Variants in UBE2O observed in about 807,000 individuals in gnomAD.
UBE2O encodes (E3-independent) E2 ubiquitin-conjugating enzyme.
UBE2O carries 15 observed loss-of-function variants against 125.8 expected under a neutral mutation model. That is an observed-to-expected ratio of 0.12 (90% confidence interval 0.08 to 0.18). The LOEUF is 0.18. UBE2O is among the 10% of genes least tolerant of loss of function. UBE2O has a pLI of 1.00. For missense variants in UBE2O, 1,280 were observed against 1,723.6 expected (o/e 0.74, Z 4.56); for synonymous variants, 708 against 703.2 (o/e 1.01, Z -0.11).
chr17:76,449,543 C>T (rs1229106955), intron 1 of UBE2O, among the ~76,000 whole-genome samples: 1 of 152,096 alleles, frequency 6.6e-6, no homozygotes, highest in African/African-American at 2.4e-5. Flanking sequence ...CCACTGCACT[C>T]CAGCCTGGGT....
intron 1 of UBE2O, among the ~76,000 whole-genome samples, chr17:76,416,086 T>C (rs1042852268): frequency 1.3e-5 from 2 of 151,802 alleles, no homozygotes; most frequent in Non-Finnish European, 2.9e-5. Flanking sequence ...TATACATATG[T>C]ACATACATGT....
At chr17:76,397,613 C>T (rs991356444) in intron 13 of UBE2O, among the ~76,000 whole-genome samples, 186 bp downstream of exon 13, 5 of 152,162 alleles carry the variant, frequency 3.3e-5, no homozygotes, top group African/African-American at 1.2e-4. Context: ...CTGGGAGAAG[C>T]GAGGCTGGTG....
chr17:76,414,388 T>C (rs2072564446), intron 1 of UBE2O, among the ~76,000 whole-genome samples: 1 of 152,194 alleles, frequency 6.6e-6, no homozygotes, highest in South Asian at 2.1e-4. Flanking sequence ...GGAGGTAAGA[T>C]GAAATTACAC....
chr17:76,397,892 C>T lies in UBE2O; in HGVS notation c.2026-4G>A. 6.2e-7 allele frequency: 1 copy of T among 1,613,968 alleles called. No homozygotes were observed. Among genetic ancestry groups the T allele is most frequent in the Non-Finnish European group, 8.5e-7 (1 of 1,180,008 alleles). ...GGGCCACCTGGCCCACCGATGGCTGCTGGGCAAAGGGGACAAAGTCAGGGG... is the reference window on the plus strand; with the variant it reads ...GGGCCACCTGGCCCACCGATGGCTGTTGGGCAAAGGGGACAAAGTCAGGGG... On this transcript the variant is annotated splice_region_variant and splice_polypyrimidine_tract_variant and intron_variant, in intron 12 of 17. Coordinates refer to ENST00000319380, the MANE Select transcript of UBE2O (RefSeq NM_022066.4).
chr17:76,442,963 G>C (rs112661427), intron 1 of UBE2O, among the ~76,000 whole-genome samples: 5 of 152,186 alleles, frequency 3.3e-5, no homozygotes, highest in African/African-American at 1.2e-4. Flanking sequence ...TGACAAGTTA[G>C]AATGAGGGCC....
intron 1 of UBE2O, among the ~76,000 whole-genome samples, chr17:76,414,436 C>T (rs1385048742): frequency 6.6e-6 from 1 of 152,224 alleles, no homozygotes; most frequent in African/African-American, 2.4e-5. Flanking sequence ...GAGCACTAAG[C>T]TGGGTGGGGA....
At position 76,413,600 on chromosome 17, in the gene UBE2O, T is replaced by G. The variant is rs118176284; in HGVS notation, c.418-8028A>C. Among the ~76,000 whole-genome samples the G allele has an allele frequency of 1.5e-3, 224 of 152,272 alleles. 3 individuals are homozygous for G. The East Asian group carries it at 0.04, about 27-fold the overall frequency. ...CCGGGTCATGATATAAAATGTGTAT[T>G]TTACCGTGAGTGACTGCTGAGAAGC... On this transcript the variant is annotated intron_variant, in intron 1 of 17. Transcript: ENST00000319380.
At chr17:76,428,254 C>T (rs1379822205) in intron 1 of UBE2O, among the ~76,000 whole-genome samples, 1 of 152,202 alleles carries the variant, frequency 6.6e-6, no homozygotes, top group African/African-American at 2.4e-5. Context: ...TCTGGAATCA[C>T]ACAATGTGCC....
chr17:76,437,779 G>A (rs1008875527), intron 1 of UBE2O, among the ~76,000 whole-genome samples: 1 of 152,120 alleles, frequency 6.6e-6, no homozygotes, highest in African/African-American at 2.4e-5. Flanking sequence ...GTGAACATTA[G>A]GGAAAACTGG....
Position 76,396,854 on chromosome 17 carries a change from G to C in UBE2O, c.2116-33C>G. On this transcript the variant is annotated intron_variant, in intron 13 of 17. Coordinates refer to ENST00000319380, the MANE Select transcript of UBE2O (RefSeq NM_022066.4). This position sits in a 1 kb window ranked among gnomAD's most constrained non-coding sequence, Gnocchi z 6.7. ...CAGAAGGGAAGTGCCAGGGTAAGCA[G>C]ACAGGAAGTCACCTCCCCACCACTA... The C allele has an allele frequency of 6.5e-7, 1 of 1,538,842 alleles. No homozygotes were observed. The highest frequency in any genetic ancestry group is 8.8e-7 in the Non-Finnish European group (1 of 1,139,198).
chr17:76,416,186 A>G (rs1567843463), intron 1 of UBE2O, among the ~76,000 whole-genome samples: 2 of 151,732 alleles, frequency 1.3e-5, no homozygotes, highest in African/African-American at 2.4e-5. Context: ...GTGTGTGTAT[A>G]TGTATATGTG....
intron 1 of UBE2O, among the ~76,000 whole-genome samples, chr17:76,439,278 G>A (rs569849005): frequency 3.3e-5 from 5 of 152,144 alleles, no homozygotes; most frequent in African/African-American, 7.2e-5. Flanking sequence ...TGTTGTTATC[G>A]TTATTTACAG....
intron 1 of UBE2O, among the ~76,000 whole-genome samples, chr17:76,424,172 T>G (rs542179740): frequency 4.0e-5 from 6 of 150,682 alleles, no homozygotes; most frequent in African/African-American, 1.2e-4. Flanking sequence ...CCTCCCAAAG[T>G]GCTGGGATTA....
chr17:76,449,194 T>G (rs1234732947), intron 1 of UBE2O, among the ~76,000 whole-genome samples: 3 of 152,246 alleles, frequency 2.0e-5, no homozygotes, highest in African/African-American at 7.2e-5. Flanking sequence ...GATTAAGCCT[T>G]TACTCATTGC....
At chr17:76,451,779 GGT>G (rs71280850) in intron 1 of UBE2O, among the ~76,000 whole-genome samples, 2 of 137,346 alleles carry the variant, frequency 1.5e-5, no homozygotes, top group African/African-American at 5.9e-5. Context: ...GATACAGGGG[GGT>G]GTGTGTGTGT....
At chr17:76,444,433 A>G (rs2073123628) in intron 1 of UBE2O, among the ~76,000 whole-genome samples, 1 of 152,160 alleles carries the variant, frequency 6.6e-6, no homozygotes, top group Admixed American at 6.5e-5. Flanking sequence ...GCTGCACAGG[A>G]GGCTGAGGTG....
At position 76,400,099 on chromosome 17, in the gene UBE2O, A is replaced by G; in HGVS notation, c.1155+48T>C. ...TCCTTCTTGGCCATGGAAATGGCTC[A>G]AGGCCAGTTCCTCAAATGCCCACCA... On this transcript the variant is annotated intron_variant, in intron 8 of 17. Transcript: ENST00000319380. This position sits in a 1 kb window ranked among gnomAD's most constrained non-coding sequence, Gnocchi z 4.3. The G allele has an allele frequency of 1.3e-6, 2 of 1,591,492 alleles. No homozygotes were observed.
intron 1 of UBE2O, among the ~76,000 whole-genome samples, chr17:76,436,569 G>A (rs560377870): frequency 9.9e-5 from 15 of 152,058 alleles, no homozygotes; most frequent in Admixed American, 3.9e-4. Flanking sequence ...GAGCCTAGAC[G>A]ATGCCTCCAG....
In UBE2O at chr17:76,392,123, G is replaced by A; in HGVS notation, c.2947-10C>T. The A allele has an allele frequency of 1.1e-6, 1 of 911,750 alleles. No homozygotes were observed. Among genetic ancestry groups the A allele is most frequent in the Non-Finnish European group, 1.6e-6 (1 of 636,826 alleles). 56.5% of individuals were successfully genotyped at this position (911,750 alleles called of 1,614,324 possible). A position where few individuals can be genotyped will look rare whatever the true frequency, so the allele number is the denominator to read the frequency against. On this transcript the variant is annotated splice_polypyrimidine_tract_variant and intron_variant, in intron 15 of 17. Coordinates refer to ENST00000319380, the MANE Select transcript of UBE2O (RefSeq NM_022066.4). ...GAGCTGAGAAGAGGTCCTAGGTAGG[G>A]AGGGAGGGAGGGAGGCCAAGGTTGG... is the stretch of plus-strand genomic sequence containing the variant.
Sources: allele counts gnomAD v4.1 joint callset (sites outside exome capture counted in the v4.1 genomes callset), GRCh38; gene constraint gnomAD v4.1.1; non-coding constraint Gnocchi (gnomAD v3.1); transcripts MANE v1.5; gene names NCBI Gene and HGNC (gene_info 2026-07-23, HGNC 2026-07-21).